The following EPHA5 variants were observed in gnomAD, a reference collection of about 807,000 sequenced individuals.
The protein encoded by EPHA5 is ephrin type-A receptor 5.
A neutral mutation model predicts 105.0 loss-of-function variants in EPHA5; 60 were observed. The ratio of observed to expected loss-of-function variants is 0.57; its 90% CI spans 0.46 to 0.71. The LOEUF (loss-of-function observed/expected upper bound fraction) is 0.71, where lower values mean the gene tolerates loss of function less well. Among genes scored for constraint, EPHA5 ranks in the 30% least tolerant of loss-of-function variants. The pLI is 0.00. For synonymous variants in EPHA5, 513 were observed against 449.1 expected, an observed-to-expected ratio of 1.14 and a Z score of -1.80; for missense variants, 1,218 against 1,274.7, an observed-to-expected ratio of 0.96 and a Z score of 0.68.
chr4:65,563,587 TA>T (rs1269979052), intron 3 of EPHA5, among the ~76,000 whole-genome samples: 1 of 152,014 alleles, frequency 6.6e-6, no homozygotes, highest in Non-Finnish European at 1.5e-5. Flanking sequence ...CTCCAGATAT[TA>T]CTCTAATGGG....
At chr4:65,542,907 G>T (rs982455383) in intron 3 of EPHA5, among the ~76,000 whole-genome samples, 5 of 152,024 alleles carry the variant, frequency 3.3e-5, no homozygotes, top group African/African-American at 1.2e-4. Context: ...GGGATGCAAG[G>T]CTGGTTCAAT....
At chr4:65,436,129 T>G (rs949188827) in intron 5 of EPHA5, among the ~76,000 whole-genome samples, 1 of 151,988 alleles carries the variant, frequency 6.6e-6, no homozygotes, top group Non-Finnish European at 1.5e-5. Flanking sequence ...GAGAGTTGCT[T>G]AATTTGACTT....
intron 3 of EPHA5, among the ~76,000 whole-genome samples, chr4:65,503,358 T>C (rs1732682770): frequency 6.6e-6 from 1 of 151,728 alleles, no homozygotes; most frequent in African/African-American, 2.4e-5. Context: ...AAAATAAATT[T>C]AAACTACGAG....
intron 3 of EPHA5, among the ~76,000 whole-genome samples, chr4:65,576,068 G>A (rs1393762534): frequency 4.7e-4 from 25 of 52,946 alleles, no homozygotes; most frequent in African/African-American, 1.6e-3. Flanking sequence ...GAAAAGAAAA[G>A]AAAAGAAAAG....
intron 14 of EPHA5, among the ~76,000 whole-genome samples, chr4:65,339,376 C>T (rs1721486830): frequency 6.6e-6 from 1 of 151,984 alleles, no homozygotes; most frequent in Admixed American, 6.6e-5. Context: ...ATGCCTTTTG[C>T]AGTAAAGAAT....
intron 3 of EPHA5, among the ~76,000 whole-genome samples, chr4:65,575,585 T>C (rs1740816827): frequency 6.6e-6 from 1 of 152,174 alleles, no homozygotes. Context: ...TACAATAAGA[T>C]GCAGTCTTAA....
At chr4:65,485,780 G>C (rs1430432778) in intron 5 of EPHA5, among the ~76,000 whole-genome samples, 1 of 152,028 alleles carries the variant, frequency 6.6e-6, no homozygotes, top group Non-Finnish European at 1.5e-5. Flanking sequence ...CACAAAGAAT[G>C]GTGCTTTGGC....
intron 3 of EPHA5, among the ~76,000 whole-genome samples, chr4:65,523,681 T>A (rs1176758563): frequency 6.6e-6 from 1 of 151,980 alleles, no homozygotes; most frequent in Non-Finnish European, 1.5e-5. Context: ...AAGACAGACT[T>A]TACACAGATA....
chr4:65,330,683 G>A (rs1720526506), intron 16 of EPHA5: 1 of 819,284 alleles, frequency 1.2e-6, no homozygotes, highest in Non-Finnish European at 1.5e-6. Context: ...CATTTTTACT[G>A]AAAAATTAAA....
chr4:65,442,700 A>G (rs1397101800), intron 5 of EPHA5, among the ~76,000 whole-genome samples: 1 of 152,200 alleles, frequency 6.6e-6, no homozygotes, highest in African/African-American at 2.4e-5. Context: ...AGTTTCTATA[A>G]ATAATAAAGC....
chr4:65,406,067 G>T (rs1024405798), intron 7 of EPHA5, among the ~76,000 whole-genome samples: 2 of 152,020 alleles, frequency 1.3e-5, no homozygotes, highest in Non-Finnish European at 2.9e-5. Context: ...CATTTGCTCC[G>T]TGTATTAATC....
chr4:65,592,880 C>A (rs1742807473), intron 3 of EPHA5, among the ~76,000 whole-genome samples: 2 of 152,080 alleles, frequency 1.3e-5, no homozygotes, highest in African/African-American at 4.8e-5. Context: ...ATGTTGAGCA[C>A]AGAAGAATTA....
At chr4:65,665,065 T>C (rs1225095947) in intron 1 of EPHA5, among the ~76,000 whole-genome samples, 1 of 151,928 alleles carries the variant, frequency 6.6e-6, no homozygotes, top group Non-Finnish European at 1.5e-5. Flanking sequence ...TAAAGAGTTA[T>C]CAATAATTTG....
At chr4:65,571,430 T>C (rs751264148) in intron 3 of EPHA5, among the ~76,000 whole-genome samples, 6 of 151,998 alleles carry the variant, frequency 3.9e-5, no homozygotes, top group Non-Finnish European at 8.8e-5. Context: ...ACTATACTAG[T>C]ATTGCTTTTA....
intron 4 of EPHA5, among the ~76,000 whole-genome samples, chr4:65,494,968 AGAGGAGGAG>A (rs1205805468): frequency 1.3e-5 from 2 of 149,166 alleles, no homozygotes; most frequent in Non-Finnish European, 3.0e-5. Context: ...AAGAAGAAGA[AGAGGAGGAG>A]GAGGAAGAGG....
intron 8 of EPHA5, among the ~76,000 whole-genome samples, chr4:65,380,451 T>C (rs755793558): frequency 1.3e-4 from 19 of 151,690 alleles, no homozygotes; most frequent in Non-Finnish European, 2.7e-4. Flanking sequence ...CTCCTTCCTA[T>C]GGAAGCAAGG....
rs2149571785 is a variant in EPHA5 at position 65,669,677 on chromosome 4, G to T, written c.66C>A (p.Pro22=). The T allele has an allele frequency of 7.5e-7, 1 of 1,336,496 alleles. No homozygotes were observed. The allele number at this position is 1,336,496 out of a possible 1,614,324, so 82.8% of individuals were successfully genotyped here. Residue 22 remains proline (P), a synonymous_variant, in exon 1 of 17, where the codon CCC becomes CCA. Coordinates refer to ENST00000613740, the MANE Select transcript of EPHA5 (RefSeq NM_001281766.3). ...RRPPSGGGDT[P]ITPASLAGCY... is the part of the protein sequence containing the mutation. ...AGCCGGCCAGGGACGCTGGGGTGAT[G>T]GGGGTGTCGCCGCCGCCGCTTGGGG...
chr4:65,460,826 G>A (rs1728054829), intron 5 of EPHA5, among the ~76,000 whole-genome samples: 1 of 151,694 alleles, frequency 6.6e-6, no homozygotes, highest in South Asian at 2.1e-4. Context: ...GTGTGTTTGA[G>A]GTGAATGAGG....
At chr4:65,639,842 T>C (rs1747479795) in intron 2 of EPHA5, among the ~76,000 whole-genome samples, 1 of 152,204 alleles carries the variant, frequency 6.6e-6, no homozygotes, top group South Asian at 2.1e-4. Flanking sequence ...TTCTTCTCTG[T>C]GCTCAAATCT....
Sources: allele counts gnomAD v4.1 joint callset (sites outside exome capture counted in the v4.1 genomes callset), GRCh38; gene constraint gnomAD v4.1.1; transcripts MANE v1.5; gene names NCBI Gene and HGNC (gene_info 2026-07-23, HGNC 2026-07-21).